Variants in MLH3 observed in about 807,000 individuals in gnomAD.
The protein encoded by MLH3 is DNA mismatch repair protein Mlh3.
In MLH3, 82 loss-of-function variants were observed where a neutral mutation model predicts 122.2. That is an observed-to-expected ratio of 0.67 (90% CI 0.56 to 0.81). MLH3 has a LOEUF of 0.81. Ranked by LOEUF, MLH3 falls within the 30% of genes least tolerant of loss-of-function variation. MLH3 has a pLI of 0.00. For missense variants in MLH3, 1,539 were observed against 1,714.5 expected (o/e 0.90, Z 1.81); for synonymous variants, 524 against 599.5 (o/e 0.87, Z 1.84).
intron 9 of MLH3, among the ~76,000 whole-genome samples, chr14:75,026,525 A>T (rs556109651): frequency 6.6e-6 from 1 of 152,356 alleles, no homozygotes; most frequent in East Asian, 1.9e-4. Context: ...AGAGGCATGC[A>T]GAGTAGAAAG....
At chr14:75,032,308 T>G (rs1270446304) in intron 7 of MLH3, 129 bp from the exon 8 acceptor site, 3 of 695,826 alleles carry the variant, frequency 4.3e-6, no homozygotes. Context: ...GTTTTAGATT[T>G]TGGATTTCCA....
In MLH3 at chr14:75,017,156, G is replaced by A. The variant is rs987273805; in HGVS notation, c.4288C>T (p.Arg1430Cys). 7 of 1,613,920 alleles carry A rather than the reference G, an allele frequency of 4.3e-6. No homozygotes were observed. Among genetic ancestry groups the A allele is most frequent in the Middle Eastern group, 1.6e-4 (1 of 6,084 alleles). ...TKLRKMAQAWRLFGKAECDTR... is the reference protein window; with the variant it reads ...TKLRKMAQAWCLFGKAECDTR... ...TCACACTCTGCTTTTCCAAAGAGAC[G>A]CCAGGCCTGGGCCATTTTGCGAAGT... is the stretch of plus-strand genomic sequence containing the variant. The change falls in exon 13 of 13, where the codon CGT (arginine) becomes TGT (cysteine). Residue 1430 changes from arginine (R) to cysteine (C), a missense_variant. Arg to Cys is a radical substitution (Grantham distance 180). Transcript: ENST00000355774.
At chr14:75,021,220 A>G (rs1890260242) in intron 11 of MLH3, among the ~76,000 whole-genome samples, 1 of 152,232 alleles carries the variant, frequency 6.6e-6, no homozygotes, top group African/African-American at 2.4e-5. Context: ...AACCTCAGAA[A>G]TACCATTCTG....
rs1892220537 is a variant in MLH3 at position 75,046,391 on chromosome 14, CA to C, written c.3264del (p.Asp1088GlufsTer33). On this transcript the variant is annotated frameshift_variant, in exon 2 of 13. Transcript: ENST00000355774. LOFTEE classifies it high-confidence loss of function. ...ACGTACTTACCATTCTCAAGTACAA[CA>C]TCCACAGCCACAGTTGTCAGGTCTT... ...CTKDLTTVAV[D>X]VVLENGSQYR... 1 of 1,614,162 alleles carries C rather than the reference CA, an allele frequency of 6.2e-7. No individual in the cohort carries two copies. Among genetic ancestry groups the C allele is most frequent in the Non-Finnish European group, 8.5e-7 (1 of 1,180,024 alleles).
At chr14:75,038,194 C>G in intron 6 of MLH3, 146 bp downstream of exon 6, 1 of 688,864 alleles carries the variant, frequency 1.5e-6, no homozygotes, top group South Asian at 1.6e-5. Context: ...CCACCGCACC[C>G]AGCCTTCATA....
In MLH3 at chr14:75,016,278, T is replaced by C. The variant is rs191022485; in HGVS notation, c.*804A>G. The C allele has an allele frequency of 4.9e-6, 1 of 202,186 alleles. No homozygotes were observed. Among genetic ancestry groups the C allele is most frequent in the East Asian group, 7.6e-5 (1 of 13,094 alleles). 12.5% of individuals were successfully genotyped at this position (202,186 alleles called of 1,614,324 possible). Reference sequence around the variant, plus strand: ...TTAGGTTGAACGTATGTATGCTGTGTTTTGATATGACAATTGCTTTCACAT... The same window carrying C: ...TTAGGTTGAACGTATGTATGCTGTGCTTTGATATGACAATTGCTTTCACAT... On this transcript the variant is annotated 3_prime_UTR_variant, in exon 13 of 13. Transcript: ENST00000355774.
At position 75,029,309 on chromosome 14, in the gene MLH3, T is replaced by C. The variant is rs541595507; in HGVS notation, c.3987+1234A>G. On this transcript the variant is annotated intron_variant, in intron 9 of 12. Transcript: ENST00000355774. ...TAAGGAGGAGGAAGAAGAGGAAAGG[T>C]TGGTCTTGCTGTCTCAGGAATGGCA... Among the ~76,000 whole-genome samples, 4 of 152,226 alleles carry C rather than the reference T, an allele frequency of 2.6e-5. No homozygotes were observed. In the South Asian group the frequency reaches 8.3e-4, roughly 32 times the overall value.
chr14:75,015,631 A>G lies in MLH3; in HGVS notation c.*1451T>C, dbSNP rs1264615266. ...GGTCATGTCTTCCCATCTATAAAAC[A>G]TCCGTTTATATGTATTTAGAAGAAT... On this transcript the variant is annotated 3_prime_UTR_variant, in exon 13 of 13. Transcript: ENST00000355774. The G allele has an allele frequency of 5.2e-6, 1 of 192,258 alleles. No individual in the cohort carries two copies. The highest frequency in any genetic ancestry group is 1.1e-5 in the Non-Finnish European group (1 of 92,054). 11.9% of individuals were successfully genotyped at this position (192,258 alleles called of 1,614,324 possible).
At chr14:75,050,474 A>G (rs940102815) in intron 1 of MLH3, among the ~76,000 whole-genome samples, 2 of 152,156 alleles carry the variant, frequency 1.3e-5, no homozygotes, top group Admixed American at 6.5e-5. Flanking sequence ...ATCTCGGCTC[A>G]CTGCAGCCTG....
intron 7 of MLH3, among the ~76,000 whole-genome samples, chr14:75,032,487 C>CAT (rs950006890): frequency 6.6e-6 from 1 of 152,186 alleles, no homozygotes; most frequent in African/African-American, 2.4e-5. Flanking sequence ...TTACCAGGAA[C>CAT]ATATGTGGGT....
At chr14:75,038,590 GGGCA>G (rs1891583767) in intron 5 of MLH3, among the ~76,000 whole-genome samples, 178 bp from the exon 6 acceptor site, 1 of 152,154 alleles carries the variant, frequency 6.6e-6, no homozygotes, top group Non-Finnish European at 1.5e-5. Context: ...ATGAAAGAAT[GGGCA>G]GGTGGAGTTG....
intron 2 of MLH3, among the ~76,000 whole-genome samples, chr14:75,044,490 G>C (rs1005323966): frequency 1.3e-5 from 2 of 152,144 alleles, no homozygotes; most frequent in African/African-American, 4.8e-5. Context: ...AGGAAGATGA[G>C]GTGTCAGTGC....
At chr14:75,031,966 C>T (rs1379793604) in intron 8 of MLH3, 102 bp downstream of exon 8, 2 of 839,642 alleles carry the variant, frequency 2.4e-6, no homozygotes, top group African/African-American at 3.3e-5. Context: ...TGTAACCTCT[C>T]TTGGTCTCAT....
chr14:75,026,617 G>A (rs1890645427), intron 9 of MLH3, among the ~76,000 whole-genome samples: 2 of 152,184 alleles, frequency 1.3e-5, no homozygotes, highest in Non-Finnish European at 1.5e-5. Context: ...GATAATGACT[G>A]CATACTTTCC....
At chr14:75,037,034 C>G (rs946361115) in intron 6 of MLH3, among the ~76,000 whole-genome samples, 1 of 147,728 alleles carries the variant, frequency 6.8e-6, no homozygotes, top group African/African-American at 2.5e-5. Flanking sequence ...AAAACAACAT[C>G]AAAATACAAA....
intron 2 of MLH3, among the ~76,000 whole-genome samples, chr14:75,045,516 A>G (rs1892147986): frequency 6.6e-6 from 1 of 152,242 alleles, no homozygotes; most frequent in Non-Finnish European, 1.5e-5. Flanking sequence ...GAAAAAGCTC[A>G]TAAATGTAGT....
Position 75,032,160 on chromosome 14 carries a change from C to G in MLH3, c.3735G>C (p.Gln1245His). ...ATTTTTTCCGACCAGAGCCTTGTGC[C>G]TGTTGCTTCTCGTAGGAATCTATTG... Reference protein sequence around the residue: ...QLIIDSYEKQQAQGSGRKKLL... With the variant: ...QLIIDSYEKQHAQGSGRKKLL... The change falls in exon 8 of 13, where the codon CAG (glutamine) becomes CAC (histidine). Residue 1245 changes from glutamine to histidine, a missense_variant. Transcript: ENST00000355774. 1 of 1,612,366 alleles carries G rather than the reference C, an allele frequency of 6.2e-7. No homozygotes were observed. Among genetic ancestry groups the G allele is most frequent in the Non-Finnish European group, 8.5e-7 (1 of 1,178,448 alleles).
At position 75,049,662 on chromosome 14, in the gene MLH3, T is replaced by C. The variant is rs752447409; in HGVS notation, c.-7A>G. 2 of 1,612,990 alleles carry C rather than the reference T, an allele frequency of 1.2e-6. No homozygotes were observed. The highest frequency in any genetic ancestry group is 1.7e-6 in the Non-Finnish European group (2 of 1,179,488). On this transcript the variant is annotated 5_prime_UTR_variant, in exon 2 of 13. Transcript: ENST00000355774. ...CTGACAAGCACTTGATCATGGTAGG[T>C]AGAAAGATGGTGAGAATGCCAGGCA...
chr14:75,042,093 G>A (rs1237287173), intron 3 of MLH3, among the ~76,000 whole-genome samples: 2 of 152,192 alleles, frequency 1.3e-5, no homozygotes, highest in African/African-American at 4.8e-5. Context: ...CAGCAACTTG[G>A]AGTGCAAGTC....
Sources: allele counts gnomAD v4.1 joint callset (sites outside exome capture counted in the v4.1 genomes callset), GRCh38; gene constraint gnomAD v4.1.1; transcripts MANE v1.5; gene names NCBI Gene and HGNC (gene_info 2026-07-23, HGNC 2026-07-21).